Variants in ASIC2 observed in about 807,000 individuals in gnomAD.
ASIC2 encodes acid-sensing ion channel 2.
ASIC2 carries 25 observed loss-of-function variants against 57.3 expected under a neutral mutation model. The observed-to-expected ratio is 0.44, with a 90% CI of 0.32 to 0.61. The LOEUF is 0.61. Ranked by LOEUF, ASIC2 falls within the 20% of genes least tolerant of loss-of-function variation. ASIC2 has a pLI of 0.06. For missense variants in ASIC2, 641 were observed against 738.1 expected, an observed-to-expected ratio of 0.87 and a Z score of 1.52; for synonymous variants, 319 against 307.5, an observed-to-expected ratio of 1.04 and a Z score of -0.39.
At chr17:33,725,393 G>C (rs1043778254) in intron 1 of ASIC2, among the ~76,000 whole-genome samples, 1 of 152,168 alleles carries the variant, frequency 6.6e-6, no homozygotes, top group African/African-American at 2.4e-5. Context: ...GACTTAGTCC[G>C]AGTTGTCCAC....
intron 1 of ASIC2, among the ~76,000 whole-genome samples, chr17:34,104,822 T>TATGAA (rs1013402875): frequency 2.1e-5 from 2 of 95,332 alleles, no homozygotes; most frequent in Non-Finnish European, 4.0e-5. Context: ...TTTAATTGGT[T>TATGAA]ATAATATTCT....
intron 1 of ASIC2, among the ~76,000 whole-genome samples, chr17:33,591,879 G>T (rs1904838585): frequency 6.6e-6 from 1 of 152,148 alleles, no homozygotes; most frequent in African/African-American, 2.4e-5. Flanking sequence ...ACCTTCAACA[G>T]ATCACTCACA....
intron 1 of ASIC2, among the ~76,000 whole-genome samples, chr17:33,954,301 G>T (rs1003286476): frequency 6.6e-6 from 1 of 152,122 alleles, no homozygotes; most frequent in Non-Finnish European, 1.5e-5. Context: ...CAGGAGTGTG[G>T]TATCTGTGAC....
chr17:33,604,809 G>A (rs558127204), intron 1 of ASIC2, among the ~76,000 whole-genome samples: 34 of 152,158 alleles, frequency 2.2e-4, no homozygotes, highest in Admixed American at 1.6e-3. Context: ...CTTTTCAAAG[G>A]TGGGGCTTCA....
At chr17:33,325,345 T>C (rs567139036) in intron 1 of ASIC2, among the ~76,000 whole-genome samples, 15 of 152,280 alleles carry the variant, frequency 9.9e-5, no homozygotes, top group African/African-American at 3.6e-4. Flanking sequence ...AGGAGACAAC[T>C]TTAAAGATGG....
At chr17:33,768,123 C>T (rs1910988572) in intron 1 of ASIC2, among the ~76,000 whole-genome samples, 1 of 152,154 alleles carries the variant, frequency 6.6e-6, no homozygotes, top group African/African-American at 2.4e-5. Flanking sequence ...ATTCTCCTGC[C>T]TCAGCCTCCC....
chr17:33,872,650 T>C (rs2141932826), intron 1 of ASIC2, among the ~76,000 whole-genome samples: 1 of 152,038 alleles, frequency 6.6e-6, no homozygotes, highest in African/African-American at 2.4e-5. Flanking sequence ...GGAGGGGAAA[T>C]ACCTATGCTG....
chr17:33,309,173 C>G (rs986072786), intron 1 of ASIC2, among the ~76,000 whole-genome samples: 3 of 151,586 alleles, frequency 2.0e-5, no homozygotes. Context: ...TTCTCTTCCT[C>G]TTTATCTTCC....
chr17:33,538,585 G>A (rs1407598627), intron 1 of ASIC2, among the ~76,000 whole-genome samples: 2 of 152,232 alleles, frequency 1.3e-5, no homozygotes, highest in Non-Finnish European at 2.9e-5. Flanking sequence ...ACTCAGCCCA[G>A]CACTGTCTAT....
chr17:33,395,615 T>A (rs551341320), intron 1 of ASIC2, among the ~76,000 whole-genome samples: 38 of 152,188 alleles, frequency 2.5e-4, no homozygotes, highest in Non-Finnish European at 3.1e-4. Flanking sequence ...TATTTGTCCA[T>A]CCAGTCACTC....
Position 33,849,523 on chromosome 17 carries a change from T to G in ASIC2, c.555+306455A>C, listed in dbSNP as rs148712572. 3.4e-3 allele frequency among the ~76,000 whole-genome samples: 516 copies of G among 152,308 alleles called. 5 individuals are homozygous for G. Among genetic ancestry groups the G allele is most frequent in the African/African-American group, 0.012 (495 of 41,560 alleles). ...CCCAAGTCTGTTCTCTTAAAAACCA[T>G]GCTATTTCCCTCCCAGAGTCAGGGA... is the stretch of plus-strand genomic sequence containing the variant. On this transcript the variant is annotated intron_variant, in intron 1 of 9. Coordinates refer to the ASIC2 transcript ENST00000359872.
At chr17:33,598,789 G>A (rs962947966) in intron 1 of ASIC2, among the ~76,000 whole-genome samples, 2 of 152,310 alleles carry the variant, frequency 1.3e-5, no homozygotes, top group Admixed American at 6.5e-5. Flanking sequence ...GGAAGGATGT[G>A]CCCCACAATC....
At chr17:33,666,067 G>A (rs1178805212) in intron 1 of ASIC2, among the ~76,000 whole-genome samples, 2 of 152,108 alleles carry the variant, frequency 1.3e-5, no homozygotes, top group Admixed American at 6.6e-5. Context: ...ATGTCTGGTG[G>A]ATGTTTCATA....
At chr17:34,155,794 TG>T in intron 1 of ASIC2, 1 of 653,110 alleles carries the variant, frequency 1.5e-6, no homozygotes, top group Non-Finnish European at 2.6e-6. Context: ...TGCTCTATCC[TG>T]GCCGGTAGCC....
At position 33,359,477 on chromosome 17, in the gene ASIC2, A is replaced by G. The variant is rs143521440; in HGVS notation, c.556-247410T>C. ...CTACTTGGTCAGGGGTTCATGGCCA[A>G]GCTCCAGTTCTGGTAGAAGCAGCTA... On this transcript the variant is annotated intron_variant, in intron 1 of 9. Transcript: ENST00000359872. 9.2e-3 allele frequency among the ~76,000 whole-genome samples: 1,407 copies of G among 152,302 alleles called. 26 individuals are homozygous for G. Among genetic ancestry groups the G allele is most frequent in the African/African-American group, 0.032 (1,339 of 41,556 alleles).
chr17:33,457,735 G>T (rs1174723360), intron 1 of ASIC2, among the ~76,000 whole-genome samples: 1 of 152,198 alleles, frequency 6.6e-6, no homozygotes, highest in Admixed American at 6.5e-5. Flanking sequence ...CAAGACAGGT[G>T]CTGGCCAAGG....
At chr17:33,036,225 A>C (rs188231437) in intron 3 of ASIC2, among the ~76,000 whole-genome samples, 1 of 152,038 alleles carries the variant, frequency 6.6e-6, no homozygotes, top group Non-Finnish European at 1.5e-5. Context: ...TCCTATTATC[A>C]TGTTATTGAT....
At chr17:33,651,512 A>C (rs1906918797) in intron 1 of ASIC2, among the ~76,000 whole-genome samples, 1 of 152,192 alleles carries the variant, frequency 6.6e-6, no homozygotes. Flanking sequence ...GTCAATTGCA[A>C]ATTCAGTCAA....
At chr17:33,531,962 T>A (rs188676558) in intron 1 of ASIC2, among the ~76,000 whole-genome samples, 3 of 152,188 alleles carry the variant, frequency 2.0e-5, no homozygotes, top group South Asian at 2.1e-4. Context: ...ATGGAAGGGA[T>A]GCCCAAGAGG....
Sources: gnomAD v4.1 joint callset for allele counts (sites outside exome capture counted in the v4.1 genomes callset) on GRCh38, gnomAD v4.1.1 for gene constraint, MANE v1.5 for transcripts, NCBI Gene and HGNC (gene_info 2026-07-23, HGNC 2026-07-21) for gene names.